MORC3: variants seen among roughly 807,000 people sequenced by gnomAD.
MORC3 encodes MORC family CW-type zinc finger 3.
In MORC3, 31 loss-of-function variants were observed where a neutral mutation model predicts 109.1. That is an observed-to-expected ratio of 0.28 (90% CI 0.21 to 0.38). The LOEUF (loss-of-function observed/expected upper bound fraction) is 0.38, where lower values mean the gene tolerates loss of function less well. Ranked by LOEUF, MORC3 falls within the 10% of genes least tolerant of loss-of-function variation. The pLI, the probability that MORC3 is intolerant of heterozygous loss-of-function variation, is 1.00. For missense variants in MORC3, 867 were observed against 1,135.8 expected, an observed-to-expected ratio of 0.76 and a Z score of 3.40; for synonymous variants, 395 against 380.7, an observed-to-expected ratio of 1.04 and a Z score of -0.44.
chr21:36,366,389 A>G (rs1435841869), intron 14 of MORC3, among the ~76,000 whole-genome samples: 2 of 152,194 alleles, frequency 1.3e-5, no homozygotes, highest in African/African-American at 4.8e-5. Flanking sequence ...ATGGCTGCAA[A>G]GAAAATTTTT....
intron 15 of MORC3, among the ~76,000 whole-genome samples, chr21:36,370,633 A>AT (rs2085848041): frequency 2.8e-4 from 13 of 46,472 alleles, no homozygotes; most frequent in Admixed American, 3.5e-4. Context: ...ATATATATAT[A>AT]TATATATTTT....
chr21:36,370,659 T>C (rs1199137169), intron 15 of MORC3, among the ~76,000 whole-genome samples: 6 of 107,178 alleles, frequency 5.6e-5, no homozygotes, highest in South Asian at 6.6e-4. Context: ...TTTTTTTTTT[T>C]TTTTTTTTTT....
At chr21:36,356,756 T>G in intron 10 of MORC3, 32 bp downstream of exon 10, 3 of 1,344,948 alleles carry the variant, frequency 2.2e-6, no homozygotes, top group Non-Finnish European at 3.1e-6. Context: ...ATCATTTCAC[T>G]TAGATATCAA....
chr21:36,353,777 T>TTTTTTTTTA (rs1472481952), intron 9 of MORC3, among the ~76,000 whole-genome samples: 4 of 144,624 alleles, frequency 2.8e-5, no homozygotes, highest in Admixed American at 6.9e-5. Flanking sequence ...TTTTTTTTTT[T>TTTTTTTTTA]AGTAAAGACA....
intron 1 of MORC3, chr21:36,320,783 C>T (rs549999323): frequency 1.3e-5 from 2 of 158,212 alleles, no homozygotes; most frequent in South Asian, 2.0e-4. Flanking sequence ...GATGAGTGTG[C>T]CTGATGCCTG....
At chr21:36,363,603 C>G (rs1339630610) in intron 13 of MORC3, among the ~76,000 whole-genome samples, 1 of 152,182 alleles carries the variant, frequency 6.6e-6, no homozygotes, top group Non-Finnish European at 1.5e-5. Flanking sequence ...TTATTGAATA[C>G]TGAAAGTGAA....
At chr21:36,339,099 T>C (rs1379378030) in intron 5 of MORC3, 178 bp downstream of exon 5, 2 of 662,874 alleles carry the variant, frequency 3.0e-6, no homozygotes, top group African/African-American at 3.8e-5. Context: ...CAGCTTCAAT[T>C]TGAGATATTT....
rs779341199 is a variant in MORC3 at position 36,336,857 on chromosome 21, A to C, written c.113-17A>C. 4 of 1,586,834 alleles carry C rather than the reference A, an allele frequency of 2.5e-6. No homozygotes were observed. The highest frequency in any genetic ancestry group is 1.4e-5 in the African/African-American group (1 of 73,990). On this transcript the variant is annotated splice_polypyrimidine_tract_variant and intron_variant, in intron 2 of 16. Transcript: ENST00000400485. The stretch of plus-strand genomic sequence containing the variant: ...TAAAGTGTAAAATCAGAATTTCTTC[A>C]AACTTGTGTTTCCCAGATAATGCTT...
chr21:36,320,352 G>A (rs2085176355), intron 1 of MORC3, 49 bp downstream of exon 1: 2 of 1,370,694 alleles, frequency 1.5e-6, no homozygotes, highest in South Asian at 3.2e-5. Flanking sequence ...GAGGGCGGGC[G>A]GGCAAGCGAA....
At chr21:36,364,849 C>T (rs1160855340) in intron 14 of MORC3, among the ~76,000 whole-genome samples, 2 of 146,036 alleles carry the variant, frequency 1.4e-5, no homozygotes, top group Admixed American at 1.4e-4. Flanking sequence ...GTCAGGAGTT[C>T]GAGACCAGCC....
rs1250982062 is a variant in MORC3, at chr21:36,376,195, G to A, written c.*899G>A. 1 of 152,494 alleles carries A rather than the reference G, an allele frequency of 6.6e-6. No individual in the cohort carries two copies. The highest frequency in any genetic ancestry group is 1.5e-5 in the Non-Finnish European group (1 of 68,022). 9.4% of individuals were successfully genotyped at this position (152,494 alleles called of 1,614,324 possible). A position where few individuals can be genotyped will look rare whatever the true frequency, so the allele number is the denominator to read the frequency against. ...AAACCTAAGTGTTTTATATCCTAGA[G>A]TCAAGGAACAAATTTCCTTAGGATT... On this transcript the variant is annotated 3_prime_UTR_variant, in exon 17 of 17. Coordinates refer to ENST00000400485, the MANE Select transcript of MORC3 (RefSeq NM_015358.3).
chr21:36,359,673 C>T (rs2085690991), intron 10 of MORC3, among the ~76,000 whole-genome samples: 1 of 150,818 alleles, frequency 6.6e-6, no homozygotes, highest in Admixed American at 6.6e-5. Context: ...CCCACCTCAG[C>T]CTCCCAAGTA....
chr21:36,374,913 C>A (rs561591575), intron 16 of MORC3, among the ~76,000 whole-genome samples: 1 of 152,166 alleles, frequency 6.6e-6, no homozygotes, highest in East Asian at 1.9e-4. Flanking sequence ...CTCCAGCGAT[C>A]TCCCTCCTCG....
intron 9 of MORC3, among the ~76,000 whole-genome samples, chr21:36,349,806 G>T (rs563134525): frequency 6.6e-6 from 1 of 152,310 alleles, no homozygotes; most frequent in East Asian, 1.9e-4. Flanking sequence ...GGTTGACATA[G>T]GGTGTGTGGA....
chr21:36,346,012 A>G (rs2085503722), intron 8 of MORC3, among the ~76,000 whole-genome samples: 1 of 151,408 alleles, frequency 6.6e-6, no homozygotes, highest in Admixed American at 6.6e-5. Context: ...AATTTCTTTT[A>G]TTTATTTATT....
At chr21:36,337,158 T>C in intron 3 of MORC3, 152 bp downstream of exon 3, 2 of 902,142 alleles carry the variant, frequency 2.2e-6, no homozygotes, top group Admixed American at 6.6e-5. Flanking sequence ...CTACTACTGG[T>C]AGATGATGAG....
At chr21:36,325,348 A>G (rs2085237259) in intron 1 of MORC3, among the ~76,000 whole-genome samples, 1 of 152,260 alleles carries the variant, frequency 6.6e-6, no homozygotes, top group South Asian at 2.1e-4. Flanking sequence ...GTCTCCTGCC[A>G]TGGCATAATT....
chr21:36,340,302 A>T (rs1601519561), intron 5 of MORC3, among the ~76,000 whole-genome samples: 2 of 151,188 alleles, frequency 1.3e-5, no homozygotes, highest in African/African-American at 4.8e-5. Context: ...AAACTATAGT[A>T]CAGTAGTACT....
chr21:36,321,771 C>T (rs2085196945), intron 1 of MORC3, among the ~76,000 whole-genome samples: 1 of 152,092 alleles, frequency 6.6e-6, no homozygotes, highest in South Asian at 2.1e-4. Flanking sequence ...TGTTCAGGCC[C>T]AGAAACCTGT....
Sources: allele counts gnomAD v4.1 joint callset (sites outside exome capture counted in the v4.1 genomes callset), GRCh38; gene constraint gnomAD v4.1.1; transcripts MANE v1.5; gene names NCBI Gene and HGNC (gene_info 2026-07-23, HGNC 2026-07-21).